The following MYOM1 variants were observed in gnomAD, a reference collection of about 807,000 sequenced individuals.
The protein encoded by MYOM1 is myomesin-1.
Under a neutral mutation model 205.3 loss-of-function variants are expected in MYOM1, and 164 were observed. That is an observed-to-expected ratio of 0.80 (90% CI 0.70 to 0.91). MYOM1 has a LOEUF of 0.91. MYOM1 is among the 40% of genes least tolerant of loss of function. The pLI is 0.00. For missense variants in MYOM1, 2,011 were observed against 2,127.3 expected, an observed-to-expected ratio of 0.95 and a Z score of 1.08; for synonymous variants, 772 against 789.4, an observed-to-expected ratio of 0.98 and a Z score of 0.37.
chr18:3,087,280 A>G (rs2079164975), intron 29 of MYOM1, among the ~76,000 whole-genome samples: 1 of 151,640 alleles, frequency 6.6e-6, no homozygotes, highest in South Asian at 2.1e-4. Flanking sequence ...CAGTTGTTAG[A>G]AAAGATACTA....
chr18:3,072,089 C>T (rs948459507), intron 36 of MYOM1, among the ~76,000 whole-genome samples, 200 bp from the exon 37 acceptor site: 12 of 150,398 alleles, frequency 8.0e-5, no homozygotes, highest in African/African-American at 2.2e-4. Context: ...CTCACTCTGT[C>T]ACCCAGGCTG....
At chr18:3,105,358 T>C (rs1473402851) in intron 22 of MYOM1, among the ~76,000 whole-genome samples, 1 of 152,200 alleles carries the variant, frequency 6.6e-6, no homozygotes, top group African/African-American at 2.4e-5. Context: ...GTATACTGCA[T>C]CCAAGAAGGA....
At chr18:3,214,289 G>A (rs1368370986) in intron 2 of MYOM1, among the ~76,000 whole-genome samples, 1 of 152,150 alleles carries the variant, frequency 6.6e-6, no homozygotes, top group African/African-American at 2.4e-5. Context: ...AAGGAAACCC[G>A]CTGTGAATAC....
chr18:3,187,373 G>A, intron 5 of MYOM1, 107 bp downstream of exon 5: 3 of 1,240,382 alleles, frequency 2.4e-6, no homozygotes, highest in Non-Finnish European at 2.3e-6. Context: ...ATACAATCTT[G>A]TAGATGTCTT....
chr18:3,127,305 A>ATATATATATATT (rs56880961), intron 18 of MYOM1, among the ~76,000 whole-genome samples: 26 of 47,568 alleles, frequency 5.5e-4, no homozygotes, highest in Non-Finnish European at 8.0e-4. Context: ...ATATATATAT[A>ATATATATATATT]TTTTTTTTTT....
chr18:3,142,138 C>G (rs1430072992), intron 13 of MYOM1, 75 bp from the exon 14 acceptor site: 2 of 1,536,668 alleles, frequency 1.3e-6, no homozygotes, highest in Non-Finnish European at 1.8e-6. Flanking sequence ...AAAGACGCTG[C>G]TCTCCTCCTG....
At chr18:3,239,756 CAAAAAAAAAAAAA>C in the MYOM1 span, among the ~76,000 whole-genome samples, 3 of 42,180 alleles carry the variant, frequency 7.1e-5, no homozygotes, top group African/African-American at 2.5e-4. Context: ...CACCTTGTCT[CAAAAAAAAAAAAA>C]AAAAAAAAAA....
chr18:3,134,717 T>C lies in MYOM1; in HGVS notation c.2317A>G (p.Ile773Val). Residue 773 changes from isoleucine to valine, a missense_variant, in exon 16 of 38, where the codon ATA becomes GTA. Ile to Val is a conservative substitution (Grantham distance 29). Coordinates refer to ENST00000356443, the MANE Select transcript of MYOM1 (RefSeq NM_003803.4). Reference protein sequence around the residue: ...KDAKELVGYYIEASVAGSGKW... With the variant: ...KDAKELVGYYVEASVAGSGKW... ...CCAGAGCCAGCAACGCTCGCCTCTATGTAGTACCCGACCAGCTCTTTGGCA... is the reference window on the plus strand; with the variant it reads ...CCAGAGCCAGCAACGCTCGCCTCTACGTAGTACCCGACCAGCTCTTTGGCA... 1.2e-6 allele frequency: 2 copies of C among 1,613,912 alleles called. No homozygotes were observed. Among genetic ancestry groups the C allele is most frequent in the Non-Finnish European group, 1.7e-6 (2 of 1,179,878 alleles).
chr18:3,075,516 G>A lies in MYOM1; in HGVS notation c.4686-40C>T, dbSNP rs760482580. 26 of 1,599,018 alleles carry A rather than the reference G, an allele frequency of 1.6e-5. No homozygotes were observed. In the African/African-American group the frequency reaches 3.2e-4, roughly 20 times the overall value. ...AACGAACAAACAGACGAAGAATTTT[G>A]TGTTAGTGTTACTTCAAAGTAGCTA... On this transcript the variant is annotated intron_variant, in intron 35 of 37. Coordinates refer to ENST00000356443, the MANE Select transcript of MYOM1 (RefSeq NM_003803.4).
intron 25 of MYOM1, among the ~76,000 whole-genome samples, chr18:3,096,559 G>T (rs2079307466): frequency 6.6e-6 from 1 of 151,364 alleles, no homozygotes; most frequent in South Asian, 2.1e-4. Context: ...TTGTACCTTA[G>T]CCTCCAGAGT....
At chr18:3,224,986 A>G in the MYOM1 span, among the ~76,000 whole-genome samples, 1 of 147,896 alleles carries the variant, frequency 6.8e-6, no homozygotes, top group African/African-American at 2.5e-5. Flanking sequence ...TTATTATTTT[A>G]TTTTATTTTA....
At position 3,089,612 on chromosome 18, in the gene MYOM1, C is replaced by T; in HGVS notation, c.4010-16G>A. On this transcript the variant is annotated splice_polypyrimidine_tract_variant and intron_variant, in intron 27 of 37. Coordinates refer to ENST00000356443, the MANE Select transcript of MYOM1 (RefSeq NM_003803.4). ...TTTTTGAAAACTACAAATTGAAAAA[C>T]AAGGAAGTGTGAAATTGAGTTGGGT... 1.3e-6 allele frequency: 2 copies of T among 1,600,002 alleles called. No homozygotes were observed.
intron 14 of MYOM1, among the ~76,000 whole-genome samples, chr18:3,136,997 C>G (rs2079977127): frequency 6.6e-6 from 1 of 151,036 alleles, no homozygotes; most frequent in African/African-American, 2.4e-5. Context: ...GTCGCCCAGG[C>G]TGGAGTGCAG....
chr18:3,084,230 A>AT (rs761637008), intron 31 of MYOM1, among the ~76,000 whole-genome samples: 9 of 152,016 alleles, frequency 5.9e-5, no homozygotes, highest in East Asian at 5.8e-4. Flanking sequence ...GCTTATTTTG[A>AT]TTTTTTTTCC....
At chr18:3,099,985 G>T (rs756641289) in intron 25 of MYOM1, among the ~76,000 whole-genome samples, 174 bp downstream of exon 25, 2 of 152,144 alleles carry the variant, frequency 1.3e-5, no homozygotes, top group Non-Finnish European at 2.9e-5. Flanking sequence ...GAGAACAACC[G>T]CAAAGGAAAA....
intron 12 of MYOM1, 82 bp downstream of exon 12, chr18:3,151,612 G>T: frequency 2.3e-6 from 3 of 1,306,596 alleles, no homozygotes; most frequent in Non-Finnish European, 2.1e-6. Context: ...GGAAGGGAGA[G>T]AAACAACCTT....
chr18:3,076,609 A>G (rs1247015443), intron 34 of MYOM1, among the ~76,000 whole-genome samples: 1 of 152,048 alleles, frequency 6.6e-6, no homozygotes, highest in Non-Finnish European at 1.5e-5. Context: ...CATGATGGAG[A>G]GGGGATGAAA....
At position 3,116,054 on chromosome 18, in the gene MYOM1, G is replaced by A. The variant is rs180914310; in HGVS notation, c.3303+277C>T. 6.6e-5 allele frequency among the ~76,000 whole-genome samples: 10 copies of A among 152,294 alleles called. No homozygotes were observed. The East Asian group carries it at 1.7e-3, about 26-fold the overall frequency. ...TTTTAAGACTATGAGTAACAAAAATGTGTAGTGGGTAAGTTGAGGCAAGGA... is the reference window on the plus strand; with the variant it reads ...TTTTAAGACTATGAGTAACAAAAATATGTAGTGGGTAAGTTGAGGCAAGGA... On this transcript the variant is annotated intron_variant, in intron 21 of 37. Coordinates refer to ENST00000356443, the MANE Select transcript of MYOM1 (RefSeq NM_003803.4).
chr18:3,174,547 C>T (rs34090995), intron 6 of MYOM1, among the ~76,000 whole-genome samples: 13,145 of 152,124 alleles, frequency 0.086, 719 homozygotes, highest in African/African-American at 0.15. Context: ...CATTGTGATC[C>T]GCTTACTTGT....
Sources: allele counts gnomAD v4.1 joint callset (sites outside exome capture counted in the v4.1 genomes callset), GRCh38; gene constraint gnomAD v4.1.1; transcripts MANE v1.5; gene names NCBI Gene and HGNC (gene_info 2026-07-23, HGNC 2026-07-21).